CNTN1: variants seen among roughly 807,000 people sequenced by gnomAD.
The protein encoded by CNTN1 is contactin-1.
CNTN1 carries 38 observed loss-of-function variants against 126.4 expected under a neutral mutation model. The ratio of observed to expected loss-of-function variants is 0.30; its 90% confidence interval spans 0.23 to 0.39. The LOEUF (loss-of-function observed/expected upper bound fraction) is 0.39. Among genes scored for constraint, CNTN1 ranks in the 10% least tolerant of loss-of-function variants. CNTN1 has a pLI of 1.00. For synonymous variants in CNTN1, 413 were observed against 422.6 expected, an observed-to-expected ratio of 0.98 and a Z score of 0.28; for missense variants, 1,009 against 1,248.4, an observed-to-expected ratio of 0.81 and a Z score of 2.89.
intron 14 of CNTN1, among the ~76,000 whole-genome samples, chr12:40,951,712 AT>A (rs747062390): frequency 0.023 from 1,961 of 84,744 alleles, 284 homozygotes; most frequent in African/African-American, 0.073. Context: ...TTGTCTCAAA[AT>A]TTAAAAAAAA....
chr12:40,998,769 G>C (rs1380399586), intron 17 of CNTN1, among the ~76,000 whole-genome samples: 1 of 151,960 alleles, frequency 6.6e-6, no homozygotes, highest in Non-Finnish European at 1.5e-5. Flanking sequence ...TTCCAAACTA[G>C]AGCACTATTT....
chr12:41,007,029 A>G (rs1302589408), intron 17 of CNTN1, among the ~76,000 whole-genome samples: 1 of 149,566 alleles, frequency 6.7e-6, no homozygotes, highest in African/African-American at 2.5e-5. Flanking sequence ...TTGGCAGTTA[A>G]AAGCAGTTTT....
chr12:40,909,947 A>C, intron 2 of CNTN1, 126 bp from the exon 3 acceptor site: 2 of 708,328 alleles, frequency 2.8e-6, no homozygotes, highest in Non-Finnish European at 5.1e-6. Context: ...AAGATACTTC[A>C]ACCTTTATAG....
At chr12:40,980,261 A>G (rs574161701) in intron 15 of CNTN1, among the ~76,000 whole-genome samples, 1 of 152,072 alleles carries the variant, frequency 6.6e-6, no homozygotes, top group East Asian at 1.9e-4. Context: ...GGTGAAACCC[A>G]GTCTCTGCAA....
At chr12:40,954,309 A>C (rs1458302804) in intron 14 of CNTN1, among the ~76,000 whole-genome samples, 1 of 152,074 alleles carries the variant, frequency 6.6e-6, no homozygotes, top group Non-Finnish European at 1.5e-5. Flanking sequence ...AGAAACATCA[A>C]AACAGTCTAT....
chr12:41,033,586 G>C (rs1185264779), intron 23 of CNTN1, among the ~76,000 whole-genome samples: 2 of 152,094 alleles, frequency 1.3e-5, no homozygotes, highest in African/African-American at 4.8e-5. Flanking sequence ...TTTTTCTACG[G>C]AAAAGAAGTA....
intron 14 of CNTN1, among the ~76,000 whole-genome samples, chr12:40,949,428 C>T (rs1490584580): frequency 7.7e-6 from 1 of 130,698 alleles, no homozygotes; most frequent in East Asian, 2.4e-4. Context: ...ACCCCCCCTC[C>T]CCCCACCCCA....
intron 1 of CNTN1, among the ~76,000 whole-genome samples, chr12:40,900,758 T>C (rs972951099): frequency 1.3e-5 from 2 of 152,184 alleles, no homozygotes; most frequent in Non-Finnish European, 2.9e-5. Context: ...TTCCTATCAG[T>C]ATATTAATAA....
intron 23 of CNTN1, among the ~76,000 whole-genome samples, chr12:41,054,525 G>A (rs1272801819): frequency 6.6e-6 from 1 of 151,920 alleles, no homozygotes; most frequent in African/African-American, 2.4e-5. Flanking sequence ...ACATAAACAA[G>A]TTTCCTATCT....
At chr12:40,742,726 T>C (rs1283653636) in intron 1 of CNTN1, among the ~76,000 whole-genome samples, 2 of 152,012 alleles carry the variant, frequency 1.3e-5, no homozygotes, top group East Asian at 3.9e-4. Context: ...TGCTATTAAT[T>C]CTCTTATAAG....
intron 23 of CNTN1, among the ~76,000 whole-genome samples, chr12:41,047,944 T>C (rs2121002839): frequency 6.6e-6 from 1 of 152,208 alleles, no homozygotes; most frequent in African/African-American, 2.4e-5. Context: ...GACAAGCCAT[T>C]GATCTGACCA....
intron 7 of CNTN1, among the ~76,000 whole-genome samples, chr12:40,930,256 A>T (rs1321896053): frequency 6.6e-6 from 1 of 151,992 alleles, no homozygotes; most frequent in Non-Finnish European, 1.5e-5. Context: ...CAGGGGACTG[A>T]TACCTTAGTC....
At chr12:40,862,206 A>AACACACACACACAC (rs557164441) in intron 1 of CNTN1, among the ~76,000 whole-genome samples, 1 of 94,162 alleles carries the variant, frequency 1.1e-5, no homozygotes, top group Non-Finnish European at 2.0e-5. Flanking sequence ...CTTGTCTCTT[A>AACACACACACACAC]ATACACACAC....
intron 1 of CNTN1, among the ~76,000 whole-genome samples, chr12:40,706,005 C>T (rs944052027): frequency 1.3e-5 from 2 of 152,042 alleles, no homozygotes; most frequent in Admixed American, 6.6e-5. Context: ...ATCCAATCAT[C>T]TCCCACCAGG....
chr12:40,861,481 T>A (rs374264499), intron 1 of CNTN1, among the ~76,000 whole-genome samples: 26 of 152,132 alleles, frequency 1.7e-4, no homozygotes, highest in African/African-American at 5.6e-4. Context: ...AGAAAATAAG[T>A]GTAAGTAATT....
At chr12:40,820,540 T>C (rs945960703) in intron 1 of CNTN1, among the ~76,000 whole-genome samples, 2 of 152,192 alleles carry the variant, frequency 1.3e-5, no homozygotes, top group African/African-American at 4.8e-5. Flanking sequence ...AGTGGAATCA[T>C]AGAGCCAGTG....
chr12:40,773,108 A>G (rs559950105), intron 1 of CNTN1, among the ~76,000 whole-genome samples: 4 of 152,014 alleles, frequency 2.6e-5, no homozygotes, highest in African/African-American at 9.6e-5. Context: ...TTCATGCAAT[A>G]TATCCACCAT....
At chr12:41,061,853 A>C (rs1307159749) in intron 23 of CNTN1, 1 of 455,514 alleles carries the variant, frequency 2.2e-6, no homozygotes, top group Non-Finnish European at 4.4e-6. Context: ...CTGTTGCTAA[A>C]GTTATATAAC....
intron 1 of CNTN1, among the ~76,000 whole-genome samples, chr12:40,807,318 A>G (rs1052348634): frequency 1.3e-5 from 2 of 151,846 alleles, no homozygotes; most frequent in Non-Finnish European, 2.9e-5. Flanking sequence ...TTATTTTTAT[A>G]CCCCTCCTCT....
Sources: gnomAD v4.1 joint callset for allele counts (sites outside exome capture counted in the v4.1 genomes callset) on GRCh38, gnomAD v4.1.1 for gene constraint, MANE v1.5 for transcripts, NCBI Gene and HGNC (gene_info 2026-07-23, HGNC 2026-07-21) for gene names.